Variants in ATXN8OS observed in about 807,000 individuals in gnomAD.
ATXN8OS encodes ATXN8 opposite strand (non-protein coding).
At chr13:70,139,070 C>T (rs1021599446) in intron 3 of ATXN8OS, among the ~76,000 whole-genome samples, 96 of 152,206 alleles carry the variant, frequency 6.3e-4, no homozygotes, top group African/African-American at 2.2e-3. Flanking sequence ...AATCATTTAT[C>T]GAAGTATGAG....
At chr13:70,117,113 T>A (rs917446927) in intron 2 of ATXN8OS, among the ~76,000 whole-genome samples, 2 of 152,074 alleles carry the variant, frequency 1.3e-5, no homozygotes, top group Non-Finnish European at 2.9e-5. Context: ...ATATGTTTTA[T>A]ACCTAATTTA....
chr13:70,135,412 GCTCTCT>G (rs372937984), intron 3 of ATXN8OS, among the ~76,000 whole-genome samples: 4 of 149,502 alleles, frequency 2.7e-5, no homozygotes, highest in Admixed American at 1.3e-4. Context: ...TTACTTAATG[GCTCTCT>G]CTCTCTCTCT....
intron 4 of ATXN8OS, among the ~76,000 whole-genome samples, chr13:70,167,902 AT>A (rs908159922): frequency 4.6e-5 from 7 of 151,536 alleles, no homozygotes; most frequent in African/African-American, 1.7e-4. Flanking sequence ...CTCCTGACTA[AT>A]TTTTTTGTAT....
At chr13:70,125,954 T>C (rs529730162) in intron 2 of ATXN8OS, among the ~76,000 whole-genome samples, 4 of 152,242 alleles carry the variant, frequency 2.6e-5, no homozygotes, top group South Asian at 2.1e-4. Flanking sequence ...CTGTTTACTT[T>C]AGCTAAAGAC....
chr13:70,140,145 G>A (rs1197647704), intron 3 of ATXN8OS, among the ~76,000 whole-genome samples: 1 of 152,036 alleles, frequency 6.6e-6, no homozygotes, highest in Non-Finnish European at 1.5e-5. Context: ...GAAACTGATG[G>A]AGTTAGTATA....
intron 1 of ATXN8OS, among the ~76,000 whole-genome samples, chr13:70,113,800 C>T (rs968185317): frequency 2.0e-5 from 3 of 152,118 alleles, no homozygotes; most frequent in Non-Finnish European, 2.9e-5. Context: ...TTTTCATTCA[C>T]CTGCATTATT....
At chr13:70,159,037 C>T (rs1888969688) in intron 4 of ATXN8OS, among the ~76,000 whole-genome samples, 1 of 151,966 alleles carries the variant, frequency 6.6e-6, no homozygotes, top group East Asian at 1.9e-4. Flanking sequence ...TATATTTATG[C>T]TTTATCCTGG....
intron 4 of ATXN8OS, among the ~76,000 whole-genome samples, chr13:70,162,085 G>A (rs2137505363): frequency 6.6e-6 from 1 of 152,070 alleles, no homozygotes; most frequent in East Asian, 1.9e-4. Flanking sequence ...GAGAATAAAG[G>A]AGAAAAAGGA....
intron 2 of ATXN8OS, among the ~76,000 whole-genome samples, chr13:70,120,076 T>C (rs1427335636): frequency 2.0e-5 from 3 of 152,140 alleles, no homozygotes; most frequent in African/African-American, 2.4e-5. Context: ...ATAATTTAAG[T>C]GGAATCAACT....
intron 2 of ATXN8OS, among the ~76,000 whole-genome samples, chr13:70,119,044 T>C (rs758670062): frequency 6.6e-6 from 1 of 152,072 alleles, no homozygotes; most frequent in Non-Finnish European, 1.5e-5. Flanking sequence ...GAATCAGCTG[T>C]GTGCTCAGCC....
At chr13:70,122,846 T>C (rs1209651522) in intron 2 of ATXN8OS, among the ~76,000 whole-genome samples, 1 of 151,928 alleles carries the variant, frequency 6.6e-6, no homozygotes, top group Non-Finnish European at 1.5e-5. Context: ...AATCTGAAAA[T>C]GATACAGATA....
At chr13:70,120,292 T>A (rs1420139334) in intron 2 of ATXN8OS, among the ~76,000 whole-genome samples, 1 of 152,140 alleles carries the variant, frequency 6.6e-6, no homozygotes, top group African/African-American at 2.4e-5. Context: ...GTCAAAAAGA[T>A]TCAGGAGAAC....
At chr13:70,132,271 T>C (rs921288351) in intron 3 of ATXN8OS, among the ~76,000 whole-genome samples, 1 of 150,544 alleles carries the variant, frequency 6.6e-6, no homozygotes, top group African/African-American at 2.4e-5. Context: ...ATATATACCA[T>C]GGAATACTAC....
At chr13:70,107,595 T>A, upstream of ATXN8OS, 1 of 1,596,522 alleles carries the variant, frequency 6.3e-7, no homozygotes, top group South Asian at 1.1e-5. Flanking sequence ...GCAGGCAGCC[T>A]CCCCCCGCCG....
intron 4 of ATXN8OS, among the ~76,000 whole-genome samples, chr13:70,155,919 A>C (rs1888930038): frequency 6.6e-6 from 1 of 152,046 alleles, no homozygotes; most frequent in East Asian, 1.9e-4. Context: ...TTTCTCTTAT[A>C]TAAATGCTTA....
intron 1 of ATXN8OS, among the ~76,000 whole-genome samples, chr13:70,114,181 C>A (rs980959597): frequency 2.6e-5 from 4 of 152,050 alleles, no homozygotes; most frequent in African/African-American, 9.7e-5. Flanking sequence ...GTTTTACACC[C>A]AGTCAGGATG....
chr13:70,170,618 A>C lies in ATXN8OS; in HGVS notation n.1439A>C, dbSNP rs747642506. 3.7e-4 allele frequency among the ~76,000 whole-genome samples: 57 copies of C among 152,310 alleles called. 1 individual carries two copies. The highest frequency in any genetic ancestry group is 2.5e-4 in the Non-Finnish European group (17 of 68,016). On this transcript the variant is annotated non_coding_transcript_exon_variant, in exon 5 of 5. Coordinates refer to ENST00000678624, the Ensembl canonical transcript of ATXN8OS. ...ACAGCAAACTAAGCTTTTGTTTTAA[A>C]TTCCAGAAAGCTGCAGGTTTTTATG... is the stretch of plus-strand genomic sequence containing the variant.
At chr13:70,107,524 C>T, upstream of ATXN8OS, 1 of 1,611,372 alleles carries the variant, frequency 6.2e-7, no homozygotes, top group Non-Finnish European at 8.5e-7. Context: ...TCTCTCTTGG[C>T]TTTTGAGCAG....
At chr13:70,115,049 C>A (rs994175310) in intron 1 of ATXN8OS, 5 of 372,968 alleles carry the variant, frequency 1.3e-5, no homozygotes, top group African/African-American at 2.2e-5. Context: ...TGTGTGTGTG[C>A]ATGTGTGGGT....
Sources: gnomAD v4.1 joint callset for allele counts (sites outside exome capture counted in the v4.1 genomes callset) on GRCh38, gnomAD v4.1.1 for gene constraint, MANE v1.5 for transcripts, NCBI Gene and HGNC (gene_info 2026-07-23, HGNC 2026-07-21) for gene names.